The following DAG1 variants were observed in gnomAD, a reference collection of about 807,000 sequenced individuals.
DAG1 encodes dystroglycan 1.
Under a neutral mutation model 46.1 loss-of-function variants are expected in DAG1, and 8 were observed. The ratio of observed to expected loss-of-function variants is 0.17; its 90% CI spans 0.10 to 0.31. DAG1 has a LOEUF of 0.31. DAG1 is among the 10% of genes least tolerant of loss of function. The probability of loss-of-function intolerance (pLI) is 1.00; values close to 1 mark genes in which losing one functional copy is unlikely to be tolerated. For synonymous variants in DAG1, 495 were observed against 481.8 expected (o/e 1.03, Z -0.36); for missense variants, 1,003 against 1,189.9 (o/e 0.84, Z 2.31).
chr3:49,517,213 T>G (rs974021634), intron 2 of DAG1, among the ~76,000 whole-genome samples: 48 of 152,006 alleles, frequency 3.2e-4, no homozygotes, highest in Admixed American at 3.1e-3. Flanking sequence ...CAGGATGGTC[T>G]CGATCTCCTG....
intron 1 of DAG1, among the ~76,000 whole-genome samples, chr3:49,491,946 A>G (rs746527738): frequency 1.4e-5 from 2 of 138,626 alleles, no homozygotes; most frequent in African/African-American, 5.5e-5. Context: ...TTTTTTTTTG[A>G]GACGGAGTCT....
chr3:49,503,761 G>A (rs768713886), intron 1 of DAG1, among the ~76,000 whole-genome samples: 1 of 151,428 alleles, frequency 6.6e-6, no homozygotes, highest in Non-Finnish European at 1.5e-5. Context: ...CCGGGAGGTC[G>A]AGGCTGCAGT....
intron 1 of DAG1, among the ~76,000 whole-genome samples, chr3:49,484,189 C>T (rs971760733): frequency 6.6e-6 from 1 of 152,152 alleles, no homozygotes; most frequent in African/African-American, 2.4e-5. Context: ...AATATTTTGT[C>T]AGAAGGGTCA....
chr3:49,532,688 G>C lies in DAG1; in HGVS notation c.2177G>C (p.Arg726Thr). Residue 726 changes from arginine to threonine, a missense_variant, in exon 3 of 3, where the codon AGA becomes ACA. Transcript: ENST00000308775. The surrounding 1 kb of genome is among the most constrained non-coding windows in gnomAD (Gnocchi z 5.4). ...TTTATCCCTGTGGTACCACCCAGGA[G>C]AGTGCCCTCAGAGGCGCCGCCCACA... ...LQFIPVVPPR[R>T]VPSEAPPTEV... 6.2e-7 allele frequency: 1 copy of C among 1,614,192 alleles called. No individual in the cohort carries two copies. Among genetic ancestry groups the C allele is most frequent in the Non-Finnish European group, 8.5e-7 (1 of 1,180,048 alleles).
At chr3:49,520,171 T>C (rs1318685816) in intron 2 of DAG1, among the ~76,000 whole-genome samples, 1 of 152,250 alleles carries the variant, frequency 6.6e-6, no homozygotes, top group East Asian at 1.9e-4. Context: ...CTAGAGGCTC[T>C]TCCTGTTGGT....
intron 1 of DAG1, among the ~76,000 whole-genome samples, chr3:49,503,433 T>A (rs999865570): frequency 6.6e-6 from 1 of 152,234 alleles, no homozygotes; most frequent in Non-Finnish European, 1.5e-5. Context: ...TTAGGTTGCT[T>A]GATATTTTTT....
At chr3:49,488,417 G>A (rs963030265) in intron 1 of DAG1, among the ~76,000 whole-genome samples, 2 of 152,106 alleles carry the variant, frequency 1.3e-5, no homozygotes, top group African/African-American at 2.4e-5. Context: ...TCCACATCTA[G>A]GATTATATCC....
At chr3:49,509,926 ACC>A in intron 1 of DAG1, among the ~76,000 whole-genome samples, 1 of 152,126 alleles carries the variant, frequency 6.6e-6, no homozygotes, top group South Asian at 2.1e-4. Context: ...ATGGGATTTT[ACC>A]ATGTTGGCCA....
At chr3:49,483,949 C>T (rs1003895188) in intron 1 of DAG1, among the ~76,000 whole-genome samples, 8 of 152,158 alleles carry the variant, frequency 5.3e-5, no homozygotes, top group Admixed American at 1.3e-4. Flanking sequence ...CCACCACACC[C>T]GGCCCAGAAG....
chr3:49,513,806 A>G (rs2050824190), intron 2 of DAG1, among the ~76,000 whole-genome samples: 1 of 152,200 alleles, frequency 6.6e-6, no homozygotes, highest in Non-Finnish European at 1.5e-5. Context: ...GCTAGATGCT[A>G]ATCTGACCAT....
Position 49,532,148 on chromosome 3 carries a change from T to G in DAG1, c.1637T>G (p.Val546Gly), listed in dbSNP as rs1575412575. ...CTGAAACTGCGGGAGCAGCAGCTGG[T>G]GGGCGAGAAGTCCTGGGTACAGTTC... ...LTLKLREQQLVGEKSWVQFNS... is the reference protein window; with the variant it reads ...LTLKLREQQLGGEKSWVQFNS... Residue 546 changes from valine (V) to glycine (G), a missense_variant, in exon 3 of 3, where the codon GTG becomes GGG. By Grantham distance (109) the Val-to-Gly change is moderately radical. Transcript: ENST00000308775. This position sits in a 1 kb window ranked among gnomAD's most constrained non-coding sequence, Gnocchi z 5.4. The G allele has an allele frequency of 6.2e-7, 1 of 1,614,212 alleles. No individual in the cohort carries two copies. The highest frequency in any genetic ancestry group is 1.3e-5 in the African/African-American group (1 of 75,054).
intron 1 of DAG1, among the ~76,000 whole-genome samples, chr3:49,471,839 T>A (rs2049526989): frequency 6.6e-6 from 1 of 152,166 alleles, no homozygotes; most frequent in Admixed American, 6.6e-5. Context: ...AGGAATTCAG[T>A]TTAGGGGGCA....
chr3:49,521,283 C>T (rs3926569), intron 2 of DAG1, among the ~76,000 whole-genome samples: 43,270 of 151,942 alleles, frequency 0.28, 6,680 homozygotes, highest in Non-Finnish European at 0.3. Context: ...CCTGCCTCAG[C>T]CTCCCAAGTA....
Position 49,533,222 on chromosome 3 carries a change from C to T in DAG1, c.*23C>T, listed in dbSNP as rs2051418849. On this transcript the variant is annotated 3_prime_UTR_variant, in exon 3 of 3. Coordinates refer to ENST00000308775, the MANE Select transcript of DAG1 (RefSeq NM_004393.6). ...TAACCCGCAAGCGCCTGGGTGGAGG[C>T]AGGGTAGGGCAGGGGCCTGGAGACG... is the stretch of plus-strand genomic sequence containing the variant. 6.2e-7 allele frequency: 1 copy of T among 1,607,054 alleles called. No homozygotes were observed. Among genetic ancestry groups the T allele is most frequent in the African/African-American group, 1.3e-5 (1 of 74,914 alleles).
intron 2 of DAG1, among the ~76,000 whole-genome samples, chr3:49,516,574 G>A (rs2050903302): frequency 6.6e-6 from 1 of 152,208 alleles, no homozygotes; most frequent in Non-Finnish European, 1.5e-5. Context: ...CAAACTCACT[G>A]TTTCCTAATA....
intron 2 of DAG1, among the ~76,000 whole-genome samples, chr3:49,511,219 T>G (rs1442268333): frequency 1.3e-5 from 2 of 152,242 alleles, no homozygotes; most frequent in Non-Finnish European, 2.9e-5. Context: ...ATAGGAGTTC[T>G]GCTCTGATTT....
intron 2 of DAG1, among the ~76,000 whole-genome samples, chr3:49,514,871 A>G (rs561162377): frequency 3.4e-5 from 5 of 148,558 alleles, no homozygotes; most frequent in African/African-American, 1.3e-4. Context: ...ATATATATAT[A>G]TTTTTTGAGA....
chr3:49,532,186 C>A lies in DAG1; in HGVS notation c.1675C>A (p.Gln559Lys). 1 of 1,614,228 alleles carries A rather than the reference C, an allele frequency of 6.2e-7. No homozygotes were observed. The highest frequency in any genetic ancestry group is 8.5e-7 in the Non-Finnish European group (1 of 1,180,042). ...KSWVQFNSNS[Q>K]LMYGLPDSSH... ...CTGGGTACAGTTCAACAGCAACAGC[C>A]AGCTCATGTATGGCCTTCCCGACAG... Residue 559 changes from glutamine (Q) to lysine (K), a missense_variant, in exon 3 of 3, where the codon CAG becomes AAG. Around this residue, in one of 3 missense-constraint regions of DAG1, gnomAD observed 755 missense variants for 854.1 expected, o/e 0.88. Transcript: ENST00000308775. This position sits in a 1 kb window ranked among gnomAD's most constrained non-coding sequence, Gnocchi z 5.4.
chr3:49,531,682 T>G lies in DAG1; in HGVS notation c.1171T>G (p.Ser391Ala), dbSNP rs765214290. Reference protein sequence around the residue: ...TLGPIQPTRVSEAGTTVPGQI... With the variant: ...TLGPIQPTRVAEAGTTVPGQI... ...AGGCCCCATCCAGCCTACTCGGGTGTCAGAAGCTGGCACCACAGTTCCTGG... is the reference window on the plus strand; with the variant it reads ...AGGCCCCATCCAGCCTACTCGGGTGGCAGAAGCTGGCACCACAGTTCCTGG... The change falls in exon 3 of 3, where the codon TCA (serine) becomes GCA (alanine). Residue 391 changes from serine (S) to alanine (A), a missense_variant. Around this residue, in one of 3 missense-constraint regions of DAG1, gnomAD observed 755 missense variants for 854.1 expected, o/e 0.88. Transcript: ENST00000308775. The surrounding 1 kb of genome is among the most constrained non-coding windows in gnomAD (Gnocchi z 7.0). 1 of 1,613,330 alleles carries G rather than the reference T, an allele frequency of 6.2e-7. No individual in the cohort carries two copies. The highest frequency in any genetic ancestry group is 8.5e-7 in the Non-Finnish European group (1 of 1,179,580).
Sources: gnomAD v4.1 joint callset for allele counts (sites outside exome capture counted in the v4.1 genomes callset) on GRCh38, gnomAD v4.1.1 for gene constraint, gnomAD v4.1.1 regional missense constraint, Gnocchi (gnomAD v3.1) non-coding constraint, MANE v1.5 for transcripts, NCBI Gene and HGNC (gene_info 2026-07-23, HGNC 2026-07-21) for gene names.